PARP1: variants seen among roughly 807,000 people sequenced by gnomAD.
The protein encoded by PARP1 is poly(ADP-ribose) polymerase 1.
PARP1 carries 44 observed loss-of-function variants against 118.7 expected under a neutral mutation model. The observed-to-expected ratio is 0.37, with a 90% confidence interval of 0.29 to 0.48. The LOEUF (loss-of-function observed/expected upper bound fraction) is 0.48, where lower values mean the gene tolerates loss of function less well. PARP1 is among the 20% of genes least tolerant of loss of function. The pLI, the probability that PARP1 is intolerant of heterozygous loss-of-function variation, is 0.99. For missense variants in PARP1, 1,100 were observed against 1,272.4 expected, an observed-to-expected ratio of 0.86 and a Z score of 2.06; for synonymous variants, 492 against 483.2, an observed-to-expected ratio of 1.02 and a Z score of -0.24.
intron 2 of PARP1, among the ~76,000 whole-genome samples, chr1:226,401,614 G>T (rs1337589268): frequency 6.6e-6 from 1 of 152,144 alleles, no homozygotes. Context: ...GTTAGTCCTC[G>T]GTTTGGTTTG....
intron 15 of PARP1, 113 bp from the exon 16 acceptor site, chr1:226,368,434 A>G (rs1664316442): frequency 6.0e-6 from 8 of 1,337,858 alleles, no homozygotes; most frequent in Non-Finnish European, 7.4e-6. Flanking sequence ...GTAGCGTGGT[A>G]TGTGCACATG....
At chr1:226,379,051 T>C (rs1169362988) in intron 12 of PARP1, 91 bp downstream of exon 12, 3 of 1,497,806 alleles carry the variant, frequency 2.0e-6, no homozygotes, top group Admixed American at 1.7e-5. Flanking sequence ...GCACTGGGCC[T>C]AACGGGTTTC....
rs758573546 is a variant in PARP1, at chr1:226,385,522, C to T, written c.993G>A (p.Lys331=). The change falls in exon 7 of 23, where the codon AAG becomes AAA. Residue 331 remains lysine, a synonymous_variant. Coordinates refer to ENST00000366794, the MANE Select transcript of PARP1 (RefSeq NM_001618.4). ...CMVKTQTPNR[K]EWVTPKEFRE... is the part of the protein sequence containing the mutation. ...CCCTTACCTTTGGGGTTACCCACTC[C>T]TTCCGGTTGGGTGTCTGTGTCTTGA... 6.2e-7 allele frequency: 1 copy of T among 1,613,962 alleles called. No individual in the cohort carries two copies. Among genetic ancestry groups the T allele is most frequent in the Non-Finnish European group, 8.5e-7 (1 of 1,179,968 alleles).
chr1:226,386,288 C>T, intron 6 of PARP1, 38 bp downstream of exon 6: 1 of 1,291,340 alleles, frequency 7.7e-7, no homozygotes, highest in Non-Finnish European at 1.1e-6. Flanking sequence ...CGGGGTCGGC[C>T]TCACATGCGT....
intron 14 of PARP1, among the ~76,000 whole-genome samples, chr1:226,372,919 T>C (rs1471674088): frequency 1.3e-5 from 2 of 152,194 alleles, no homozygotes; most frequent in Admixed American, 6.5e-5. Flanking sequence ...CACCCATAAG[T>C]TGTTCACACT....
At chr1:226,403,117 C>T (rs1350165364) in intron 1 of PARP1, among the ~76,000 whole-genome samples, 3 of 152,174 alleles carry the variant, frequency 2.0e-5, no homozygotes, top group Non-Finnish European at 2.9e-5. Context: ...AACACAGTTC[C>T]CCTCTCCAGG....
chr1:226,408,031 T>C lies in PARP1; in HGVS notation c.-102A>G. 1.3e-6 allele frequency: 2 copies of C among 1,553,680 alleles called. No individual in the cohort carries two copies. The highest frequency in any genetic ancestry group is 1.8e-6 in the Non-Finnish European group (2 of 1,141,798). ...GTGCGCTCACCCAGCCGCAGGCGCC[T>C]GAGCGGCCAGAGCCGCCACCGAACA... is the stretch of plus-strand genomic sequence containing the variant. On this transcript the variant is annotated 5_prime_UTR_variant, in exon 1 of 23. Transcript: ENST00000366794.
intron 17 of PARP1, 137 bp from the exon 18 acceptor site, chr1:226,366,189 C>T: frequency 1.4e-6 from 1 of 700,682 alleles, no homozygotes; most frequent in Middle Eastern, 2.9e-4. Flanking sequence ...AGCCTGTGTC[C>T]CAGGCCTGTG....
At chr1:226,388,521 T>G in intron 5 of PARP1, 135 bp downstream of exon 5, 1 of 702,568 alleles carries the variant, frequency 1.4e-6, no homozygotes. Flanking sequence ...GGAAAAGCCA[T>G]GCTATTTAAT....
At chr1:226,407,198 C>T (rs1249963810) in intron 1 of PARP1, among the ~76,000 whole-genome samples, 1 of 152,018 alleles carries the variant, frequency 6.6e-6, no homozygotes. Flanking sequence ...ACCAAGAGAA[C>T]GCGTCTGTGA....
intron 17 of PARP1, 182 bp from the exon 18 acceptor site, chr1:226,366,234 C>T (rs1664263593): frequency 8.1e-6 from 5 of 613,844 alleles, no homozygotes; most frequent in Non-Finnish European, 1.5e-5. Flanking sequence ...GCTCCACTTA[C>T]CTAAGCCTCC....
At chr1:226,389,128 T>C (rs767223549) in intron 4 of PARP1, among the ~76,000 whole-genome samples, 1 of 151,396 alleles carries the variant, frequency 6.6e-6, no homozygotes, top group Non-Finnish European at 1.5e-5. Context: ...TAGCCGGGAC[T>C]AGGCTAGAGG....
intron 16 of PARP1, 127 bp from the exon 17 acceptor site, chr1:226,367,735 C>CCTGACCAGCAGG: frequency 2.8e-6 from 3 of 1,052,750 alleles, no homozygotes; most frequent in Non-Finnish European, 4.4e-6. Flanking sequence ...TCCTGCTGGT[C>CCTGACCAGCAGG]AGGGCCAGCC....
At chr1:226,405,689 GTGT>G (rs953164181) in intron 1 of PARP1, among the ~76,000 whole-genome samples, 2 of 152,138 alleles carry the variant, frequency 1.3e-5, no homozygotes, top group Non-Finnish European at 2.9e-5. Context: ...CTCCACAGCG[GTGT>G]TGTTCTAGCC....
At chr1:226,399,789 T>C (rs1188573881) in intron 2 of PARP1, among the ~76,000 whole-genome samples, 3 of 152,180 alleles carry the variant, frequency 2.0e-5, no homozygotes, top group East Asian at 1.9e-4. Context: ...GCGATGTTGA[T>C]TGTGGACAAA....
chr1:226,388,242 C>T (rs111821831), intron 5 of PARP1, among the ~76,000 whole-genome samples: 13 of 152,316 alleles, frequency 8.5e-5, no homozygotes, highest in African/African-American at 2.9e-4. Flanking sequence ...CACTTGATCT[C>T]TTCAAGCCAT....
At chr1:226,406,079 T>C (rs1455717441) in intron 1 of PARP1, among the ~76,000 whole-genome samples, 1 of 152,210 alleles carries the variant, frequency 6.6e-6, no homozygotes, top group Non-Finnish European at 1.5e-5. Flanking sequence ...GTACAGCCTC[T>C]AATAACTGTG....
chr1:226,389,692 T>G (rs1456518876), intron 4 of PARP1, among the ~76,000 whole-genome samples: 1 of 152,222 alleles, frequency 6.6e-6, no homozygotes, highest in Non-Finnish European at 1.5e-5. Context: ...GAGCCCCATG[T>G]GCTGCTGCAA....
chr1:226,393,280 C>G (rs1040329377), intron 2 of PARP1, among the ~76,000 whole-genome samples: 1 of 151,996 alleles, frequency 6.6e-6, no homozygotes, highest in Non-Finnish European at 1.5e-5. Flanking sequence ...AAAAGATGTG[C>G]AAGATCTCTA....
Sources: allele counts gnomAD v4.1 joint callset (sites outside exome capture counted in the v4.1 genomes callset), GRCh38; gene constraint gnomAD v4.1.1; transcripts MANE v1.5; gene names NCBI Gene and HGNC (gene_info 2026-07-23, HGNC 2026-07-21).